The following MPPED2 variants were observed in gnomAD, a reference collection of about 807,000 sequenced individuals.
The protein encoded by MPPED2 is metallophosphoesterase MPPED2.
In MPPED2, 5 loss-of-function variants were observed where a neutral mutation model predicts 33.0. The ratio of observed to expected loss-of-function variants is 0.15; its 90% CI spans 0.08 to 0.32. The LOEUF (loss-of-function observed/expected upper bound fraction) is 0.32, where lower values mean the gene tolerates loss of function less well. Ranked by LOEUF, MPPED2 falls within the 10% of genes least tolerant of loss-of-function variation. MPPED2 has a pLI of 1.00. For missense variants in MPPED2, 275 were observed against 372.1 expected, an observed-to-expected ratio of 0.74 and a Z score of 2.15; for synonymous variants, 136 against 141.9, an observed-to-expected ratio of 0.96 and a Z score of 0.29.
intron 4 of MPPED2, among the ~76,000 whole-genome samples, chr11:30,445,659 A>T (rs190309251): frequency 2.0e-5 from 3 of 152,150 alleles, no homozygotes; most frequent in Non-Finnish European, 4.4e-5. Flanking sequence ...TTCCATCTTT[A>T]TGAATTTGAC....
chr11:30,435,498 A>T (rs537816743), intron 4 of MPPED2, among the ~76,000 whole-genome samples: 1 of 152,316 alleles, frequency 6.6e-6, no homozygotes, highest in African/African-American at 2.4e-5. Context: ...TCTAATACAC[A>T]CACAAAATCT....
At chr11:30,408,622 C>T (rs1018565605), downstream of MPPED2, among the ~76,000 whole-genome samples, 2 of 152,110 alleles carry the variant, frequency 1.3e-5, no homozygotes, top group Non-Finnish European at 1.5e-5. Context: ...TATCAGCTCT[C>T]AGAGGGCATC....
intron 6 of MPPED2, among the ~76,000 whole-genome samples, chr11:30,393,530 A>C (rs1947804956): frequency 6.6e-6 from 1 of 152,124 alleles, no homozygotes; most frequent in South Asian, 2.1e-4. Flanking sequence ...TGCTTACCTG[A>C]GTATGTATAC....
Position 30,411,473 on chromosome 11 carries a change from A to G in MPPED2, c.880T>C (p.Ser294Pro). The change falls in exon 7 of 7, where the codon TCC becomes CCC. Residue 294 changes from serine (S) to proline (P), a missense_variant. Ser to Pro is a moderately conservative substitution (Grantham distance 74). Coordinates refer to ENST00000358117, the MANE Select transcript of MPPED2 (RefSeq NM_001584.3). ...CCAATAGGGCATTTAGAGCTTCAGG[A>G]ACCCTGTGGGTTTGGAAGGTCAAAT... is the stretch of plus-strand genomic sequence containing the variant. The part of the protein sequence containing the change: ...IIFDLPNPQG[S>P] The G allele has an allele frequency of 1.9e-6, 3 of 1,612,884 alleles. No individual in the cohort carries two copies. Among genetic ancestry groups the G allele is most frequent in the Non-Finnish European group, 1.7e-6 (2 of 1,179,112 alleles).
At chr11:30,517,481 T>G (rs1953597609) in intron 3 of MPPED2, among the ~76,000 whole-genome samples, 1 of 152,202 alleles carries the variant, frequency 6.6e-6, no homozygotes, top group African/African-American at 2.4e-5. Flanking sequence ...CTTTGTTATA[T>G]TTTACAAATG....
At chr11:30,523,137 T>G (rs1953965440) in intron 3 of MPPED2, among the ~76,000 whole-genome samples, 1 of 151,424 alleles carries the variant, frequency 6.6e-6, no homozygotes, top group Non-Finnish European at 1.5e-5. Context: ...TGAAAATTTA[T>G]CAGTCAAAGG....
rs146156606 is a variant in MPPED2, at chr11:30,544,264, C to T, written c.129-8089G>A. Among the ~76,000 whole-genome samples, 589 of 152,224 alleles carry T rather than the reference C, an allele frequency of 3.9e-3. 3 individuals carry two copies. Among genetic ancestry groups the T allele is most frequent in the African/African-American group, 0.011 (460 of 41,538 alleles). On this transcript the variant is annotated intron_variant, in intron 2 of 6. Coordinates refer to ENST00000358117, the MANE Select transcript of MPPED2 (RefSeq NM_001584.3). Reference sequence around the variant, plus strand: ...TGGAGATGTATTGTCCAGGGTTAAACGTTTCCCTCCCTTCTAACATGGCAA... The same window carrying T: ...TGGAGATGTATTGTCCAGGGTTAAATGTTTCCCTCCCTTCTAACATGGCAA...
At chr11:30,384,800 A>G (rs1424046310) in exon 7 of MPPED2, 1 of 152,164 alleles carries the variant, frequency 6.6e-6, no homozygotes, top group Non-Finnish European at 1.5e-5. Flanking sequence ...CTATGTCCAT[A>G]TGACAAGATG....
In MPPED2 at chr11:30,495,529, A is replaced by C. The variant is rs1304684082; in HGVS notation, c.311-8T>G. The C allele has an allele frequency of 6.2e-7, 1 of 1,603,854 alleles. No homozygotes were observed. The highest frequency in any genetic ancestry group is 2.2e-5 in the East Asian group (1 of 44,846). On this transcript the variant is annotated splice_polypyrimidine_tract_variant and splice_region_variant and intron_variant, in intron 3 of 6. Transcript: ENST00000358117. Reference sequence around the variant, plus strand: ...ATTCATATGGCAGGTTTCCTGAAATAAGAAAAAAGAGCACCAATTAGCACG... The same window carrying C: ...ATTCATATGGCAGGTTTCCTGAAATCAGAAAAAAGAGCACCAATTAGCACG...
intron 3 of MPPED2, among the ~76,000 whole-genome samples, chr11:30,516,514 A>G (rs983888132): frequency 1.3e-5 from 2 of 152,218 alleles, no homozygotes; most frequent in East Asian, 3.8e-4. Context: ...GCTGGTAGCA[A>G]GAAGCAGGAG....
chr11:30,520,140 C>T (rs748511946), intron 3 of MPPED2, among the ~76,000 whole-genome samples: 11 of 152,054 alleles, frequency 7.2e-5, no homozygotes, highest in African/African-American at 1.4e-4. Context: ...TAATTGTACA[C>T]GTTTATCCTG....
At chr11:30,469,737 T>C (rs1308126461) in intron 4 of MPPED2, among the ~76,000 whole-genome samples, 2 of 152,124 alleles carry the variant, frequency 1.3e-5, no homozygotes, top group Non-Finnish European at 2.9e-5. Flanking sequence ...ATTATCATCT[T>C]CACCATCATT....
At chr11:30,401,043 A>G (rs1947902073) in intron 6 of MPPED2, among the ~76,000 whole-genome samples, 1 of 152,244 alleles carries the variant, frequency 6.6e-6, no homozygotes, top group African/African-American at 2.4e-5. Context: ...TGCTGGGATT[A>G]CAGGTGTGAA....
rs1948059927 is a variant in MPPED2, at chr11:30,410,375, A to C, written c.*1093T>G. On this transcript the variant is annotated 3_prime_UTR_variant, in exon 7 of 7. Coordinates refer to ENST00000358117, the MANE Select transcript of MPPED2 (RefSeq NM_001584.3). The stretch of plus-strand genomic sequence containing the variant: ...ACAGCATTTACAATGGGAAAACAGA[A>C]ATGACTATTAGCGACAATATTTTGT... 1.0e-6 allele frequency: 1 copy of C among 985,846 alleles called. No homozygotes were observed. Among genetic ancestry groups the C allele is most frequent in the African/African-American group, 1.7e-5 (1 of 57,364 alleles). The allele number at this position is 985,846 out of a possible 1,614,324, so 61.1% of individuals were successfully genotyped here.
chr11:30,394,071 C>T (rs948871730), intron 6 of MPPED2, among the ~76,000 whole-genome samples: 7 of 152,146 alleles, frequency 4.6e-5, no homozygotes, highest in African/African-American at 9.7e-5. Context: ...AATGTCTTTG[C>T]GATTCATCCA....
chr11:30,400,044 T>G (rs1167099669), intron 6 of MPPED2, among the ~76,000 whole-genome samples: 1 of 152,184 alleles, frequency 6.6e-6, no homozygotes, highest in Non-Finnish European at 1.5e-5. Context: ...GCAAGAAAGA[T>G]TTTATGGCAG....
intron 6 of MPPED2, among the ~76,000 whole-genome samples, chr11:30,392,266 C>T (rs544342956): frequency 6.6e-6 from 1 of 152,306 alleles, no homozygotes; most frequent in African/African-American, 2.4e-5. Flanking sequence ...TAAGCCTTCT[C>T]TCTCTTGAAA....
chr11:30,466,403 C>T (rs535241455), intron 4 of MPPED2, among the ~76,000 whole-genome samples: 1 of 152,320 alleles, frequency 6.6e-6, no homozygotes, highest in African/African-American at 2.4e-5. Flanking sequence ...TGCACCCTGC[C>T]ATGGGGCTGG....
chr11:30,571,192 G>T (rs1351753757), intron 2 of MPPED2, among the ~76,000 whole-genome samples: 1 of 149,916 alleles, frequency 6.7e-6, no homozygotes, highest in Admixed American at 6.6e-5. Context: ...CAGCTCTGAG[G>T]CTTAATAAAA....
Sources: allele counts gnomAD v4.1 joint callset (sites outside exome capture counted in the v4.1 genomes callset), GRCh38; gene constraint gnomAD v4.1.1; transcripts MANE v1.5; gene names NCBI Gene and HGNC (gene_info 2026-07-23, HGNC 2026-07-21).